The following GUF1 variants were observed in gnomAD, a reference collection of about 807,000 sequenced individuals.
GUF1 encodes the protein GTP binding elongation factor GUF1.
A neutral mutation model predicts 82.4 loss-of-function variants in GUF1; 78 were observed. The observed-to-expected ratio is 0.95, with a 90% confidence interval of 0.79 to 1.14. The LOEUF is 1.14. Ranked by LOEUF, GUF1 falls within the 50% of genes most tolerant of loss-of-function variation. GUF1 has a pLI of 0.00. For missense variants in GUF1, 814 were observed against 798.2 expected (o/e 1.02, Z -0.24); for synonymous variants, 279 against 282.3 (o/e 0.99, Z 0.12).
chr4:44,678,470 TTG>T lies in GUF1; in HGVS notation c.-152_-151del. 1.7e-6 allele frequency: 1 copy of T among 584,204 alleles called. No homozygotes were observed. The highest frequency in any genetic ancestry group is 1.9e-5 in the African/African-American group (1 of 51,370). 36.2% of individuals were successfully genotyped at this position (584,204 alleles called of 1,614,324 possible). On this transcript the variant is annotated 5_prime_UTR_variant, in exon 1 of 17. Coordinates refer to ENST00000281543, the MANE Select transcript of GUF1 (RefSeq NM_021927.3). Reference sequence around the variant, plus strand: ...TTCGGGTTGCTTCCGGATCTGGTACTTGGGCAGAGCTCCCCGGGGTTCATTGT... The same window carrying T: ...TTCGGGTTGCTTCCGGATCTGGTACTGGCAGAGCTCCCCGGGGTTCATTGT...
In GUF1 at chr4:44,688,081, GT is replaced by G; in HGVS notation, c.1016del (p.Leu339TyrfsTer26). Reference protein sequence around the residue: ...VTEAQIGDTLCLHKQPVEPLP... With the variant: ...VTEAQIGDTLXLHKQPVEPLP... Reference sequence around the variant, plus strand: ...GAAGCGCAAATAGGAGATACATTATGTTTACATAAGCAACCAGTGGAGCCCT... The same window carrying G: ...GAAGCGCAAATAGGAGATACATTATGTTACATAAGCAACCAGTGGAGCCCT... On this transcript the variant is annotated frameshift_variant, in exon 9 of 17. Transcript: ENST00000281543. LOFTEE classifies it high-confidence loss of function. The G allele has an allele frequency of 6.2e-7, 1 of 1,612,408 alleles. No individual in the cohort carries two copies. Among genetic ancestry groups the G allele is most frequent in the East Asian group, 2.2e-5 (1 of 44,826 alleles).
chr4:44,686,712 T>G lies in GUF1; in HGVS notation c.937T>G (p.Leu313Val). The change falls in exon 8 of 17, where the codon TTA becomes GTA. Residue 313 changes from leucine to valine, a missense_variant and splice_region_variant. By Grantham distance (32) the Leu-to-Val change is conservative. Coordinates refer to ENST00000281543, the MANE Select transcript of GUF1 (RefSeq NM_021927.3). The part of the protein sequence containing the change: ...LNPNEQPTHK[L>V]YAGQVGYLIA... ...TCCTAATGAGCAGCCAACTCATAAA[T>G]TGTAAGTAATCTGCATTAGTAAAAT... is the stretch of plus-strand genomic sequence containing the variant. The G allele has an allele frequency of 6.3e-7, 1 of 1,586,544 alleles. No homozygotes were observed. Among genetic ancestry groups the G allele is most frequent in the Non-Finnish European group, 8.7e-7 (1 of 1,155,642 alleles).
chr4:44,691,920 A>G (rs535196578), intron 13 of GUF1, 121 bp downstream of exon 13: 6 of 707,336 alleles, frequency 8.5e-6, no homozygotes, highest in Non-Finnish European at 1.4e-5. Context: ...GTTGAGAATC[A>G]TACTCTAAGG....
chr4:44,682,486 T>C (rs2109634993), intron 5 of GUF1, 75 bp downstream of exon 5: 3 of 740,936 alleles, frequency 4.0e-6, no homozygotes, highest in East Asian at 3.0e-5. Context: ...TCAGTTGTAC[T>C]ATTCATTATA....
intron 6 of GUF1, among the ~76,000 whole-genome samples, 185 bp downstream of exon 6, chr4:44,683,503 A>C (rs559779912): frequency 3.8e-4 from 58 of 152,102 alleles, no homozygotes; most frequent in African/African-American, 1.3e-3. Context: ...GACATACAGA[A>C]ATTATTGCGA....
At chr4:44,689,807 C>A in intron 10 of GUF1, 36 bp from the exon 11 acceptor site, 2 of 1,556,080 alleles carry the variant, frequency 1.3e-6, no homozygotes, top group Non-Finnish European at 1.7e-6. Context: ...GCCCATGGGA[C>A]ATAAACATTT....
In GUF1 at chr4:44,681,091, C is replaced by G. The variant is rs771674137; in HGVS notation, c.427-32C>G. 5 of 1,549,138 alleles carry G rather than the reference C, an allele frequency of 3.2e-6. No homozygotes were observed. In the Admixed American group the frequency reaches 8.4e-5, roughly 26 times the overall value. ...TGCTCTTTCCTAAAAAATTAACTCA[C>G]ATTTACAGGTATCAATATTTTTGTT... On this transcript the variant is annotated intron_variant, in intron 3 of 16. Coordinates refer to ENST00000281543, the MANE Select transcript of GUF1 (RefSeq NM_021927.3).
At chr4:44,678,857 T>TG in intron 1 of GUF1, 70 bp downstream of exon 1, 1 of 1,432,014 alleles carries the variant, frequency 7.0e-7, no homozygotes, top group Non-Finnish European at 9.3e-7. Context: ...ATCTTGGACA[T>TG]GTATAGGGCT....
At chr4:44,691,033 T>A (rs1286096689) in intron 12 of GUF1, among the ~76,000 whole-genome samples, 173 bp downstream of exon 12, 1 of 151,660 alleles carries the variant, frequency 6.6e-6, no homozygotes, top group African/African-American at 2.4e-5. Context: ...TTTAAATTAT[T>A]TTGATTTTAA....
chr4:44,681,457 A>T (rs1195922069), intron 4 of GUF1, among the ~76,000 whole-genome samples: 1 of 152,058 alleles, frequency 6.6e-6, no homozygotes, highest in Non-Finnish European at 1.5e-5. Flanking sequence ...GTGTGACATC[A>T]TATTGTCAAT....
chr4:44,695,083 C>T (rs1191163991), intron 14 of GUF1, among the ~76,000 whole-genome samples: 2 of 152,060 alleles, frequency 1.3e-5, no homozygotes, highest in African/African-American at 2.4e-5. Context: ...GATTTACAGG[C>T]GTAAGCCACC....
chr4:44,697,524 C>G, intron 16 of GUF1, 80 bp downstream of exon 16: 1 of 695,960 alleles, frequency 1.4e-6, no homozygotes, highest in Non-Finnish European at 2.3e-6. Flanking sequence ...TATTGATTTC[C>G]ATTGTTGGTT....
At position 44,678,753 on chromosome 4, in the gene GUF1, C is replaced by G; in HGVS notation, c.131C>G (p.Ala44Gly). 2 of 1,551,270 alleles carry G rather than the reference C, an allele frequency of 1.3e-6. No individual in the cohort carries two copies. Among genetic ancestry groups the G allele is most frequent in the African/African-American group, 1.4e-5 (1 of 70,000 alleles). The change falls in exon 1 of 17, where the codon GCT becomes GGT. Residue 44 changes from alanine (A) to glycine (G), a missense_variant. Transcript: ENST00000281543. ...PTLGAAPESW[A>G]TDRLYSSAEF... ...CTTGGGGCTGCTCCAGAGTCCTGGG[C>G]TACCGACAGGCTCTACAGCTCCGCA...
rs1252678278 is a variant in GUF1, at chr4:44,694,394, G to C, written c.1614-18G>C. ...TCAGGAAGTGTAATATTTATCACTTGGACTTTTTTCCTTTTAGTTTTGATT... is the reference window on the plus strand; with the variant it reads ...TCAGGAAGTGTAATATTTATCACTTCGACTTTTTTCCTTTTAGTTTTGATT... On this transcript the variant is annotated intron_variant, in intron 13 of 16. Coordinates refer to ENST00000281543, the MANE Select transcript of GUF1 (RefSeq NM_021927.3). 8 of 1,473,880 alleles carry C rather than the reference G, an allele frequency of 5.4e-6. No individual in the cohort carries two copies. In the African/African-American group the frequency reaches 9.7e-5, roughly 18 times the overall value. The allele number at this position is 1,473,880 out of a possible 1,614,324, so 91.3% of individuals were successfully genotyped here.
chr4:44,687,853 T>C (rs1577770700), intron 8 of GUF1, among the ~76,000 whole-genome samples, 154 bp from the exon 9 acceptor site: 1 of 152,114 alleles, frequency 6.6e-6, no homozygotes, highest in East Asian at 1.9e-4. Context: ...CTGACAAGCT[T>C]CAGAGTTTGA....
At position 44,680,303 on chromosome 4, in the gene GUF1, T is replaced by C. The variant is rs1714687055; in HGVS notation, c.166-138T>C. ...ATGAACTTAGCCATACATGTCTTTT[T>C]CTTAGAATAATAATATAAACAATAT... On this transcript the variant is annotated intron_variant, in intron 1 of 16. Coordinates refer to ENST00000281543, the MANE Select transcript of GUF1 (RefSeq NM_021927.3). The C allele has an allele frequency of 3.6e-5, 19 of 523,454 alleles. 1 individual carries two copies. The South Asian group carries it at 6.4e-4, about 18-fold the overall frequency. The allele number at this position is 523,454 out of a possible 1,614,324, so 32.4% of individuals were successfully genotyped here.
Position 44,695,734 on chromosome 4 carries a change from CG to C in GUF1, c.1835+1del, listed in dbSNP as rs1303203220. ...GGAAGTAAAATCATTGCAAGAGAAA[CG>C]TGAGTTGAAATTCATTTTTGGTCTT... On this transcript the variant is annotated splice_donor_variant, in intron 15 of 16. Coordinates refer to ENST00000281543, the MANE Select transcript of GUF1 (RefSeq NM_021927.3). LOFTEE classifies it high-confidence loss of function. The C allele has an allele frequency of 3.1e-6, 5 of 1,607,442 alleles. No individual in the cohort carries two copies. The highest frequency in any genetic ancestry group is 4.2e-6 in the Non-Finnish European group (5 of 1,177,962).
chr4:44,682,393 A>G lies in GUF1; in HGVS notation c.567A>G (p.Val189=). 1 of 1,523,090 alleles carries G rather than the reference A, an allele frequency of 6.6e-7. No individual in the cohort carries two copies. The highest frequency in any genetic ancestry group is 8.8e-7 in the Non-Finnish European group (1 of 1,136,914). The allele number at this position is 1,523,090 out of a possible 1,614,324, so 94.3% of individuals were successfully genotyped here. ...FFLAFEAQLS[V]IPVINKIDLK... is the part of the protein sequence containing the mutation. ...TTGCCTTCGAAGCACAGCTATCGGT[A>G]ATTCCAGTTATAAATAAGGTAATTA... Residue 189 remains valine (V), a synonymous_variant, in exon 5 of 17, where the codon GTA becomes GTG. Coordinates refer to ENST00000281543, the MANE Select transcript of GUF1 (RefSeq NM_021927.3).
intron 3 of GUF1, 49 bp downstream of exon 3, chr4:44,680,891 CAGT>C: frequency 6.8e-7 from 1 of 1,465,284 alleles, no homozygotes. Context: ...AACATTGTGT[CAGT>C]AGTGCAAACA....
Sources: gnomAD v4.1 joint callset for allele counts (sites outside exome capture counted in the v4.1 genomes callset) on GRCh38, gnomAD v4.1.1 for gene constraint, MANE v1.5 for transcripts, NCBI Gene and HGNC (gene_info 2026-07-23, HGNC 2026-07-21) for gene names.